Variants in ADAMTS17 observed in about 807,000 individuals in gnomAD.
The protein encoded by ADAMTS17 is A disintegrin and metalloproteinase with thrombospondin motifs 17.
In ADAMTS17, 113 loss-of-function variants were observed where a neutral mutation model predicts 141.5. That is an observed-to-expected ratio of 0.80 (90% CI 0.69 to 0.93). The LOEUF (loss-of-function observed/expected upper bound fraction) is 0.93. Among genes scored for constraint, ADAMTS17 ranks in the 40% least tolerant of loss-of-function variants. ADAMTS17 has a pLI of 0.00. For missense variants in ADAMTS17, 1,659 were observed against 1,517.9 expected (o/e 1.09, Z -1.54); for synonymous variants, 768 against 630.6 (o/e 1.22, Z -3.27).
At chr15:100,275,277 A>G (rs1393023212) in intron 4 of ADAMTS17, among the ~76,000 whole-genome samples, 1 of 152,242 alleles carries the variant, frequency 6.6e-6, no homozygotes, top group Non-Finnish European at 1.5e-5. Flanking sequence ...TCCTGGCCAC[A>G]CAGGCTGGAG....
At chr15:100,004,617 C>CTTTTTT (rs10591279) in intron 18 of ADAMTS17, among the ~76,000 whole-genome samples, 2 of 116,240 alleles carry the variant, frequency 1.7e-5, no homozygotes, top group Non-Finnish European at 3.5e-5. Flanking sequence ...TACTGTAATT[C>CTTTTTT]TTTTTTTTTT....
intron 3 of ADAMTS17, among the ~76,000 whole-genome samples, chr15:100,285,290 A>G (rs947048270): frequency 1.3e-5 from 2 of 152,260 alleles, no homozygotes; most frequent in African/African-American, 4.8e-5. Flanking sequence ...AATTTACTCT[A>G]GACGTTTGGG....
chr15:100,066,741 C>T, intron 15 of ADAMTS17, among the ~76,000 whole-genome samples: 1 of 152,028 alleles, frequency 6.6e-6, no homozygotes, highest in Non-Finnish European at 1.5e-5. Context: ...TCTAAGTGGC[C>T]CATCTGTCTC....
At position 99,971,647 on chromosome 15, in the gene ADAMTS17, A is replaced by AACGAAAAAAG. The variant is rs2060206387; in HGVS notation, c.*2745_*2754dup. The stretch of plus-strand genomic sequence containing the variant: ...GGAAAATAGATACATTTGACTCTGA[A>AACGAAAAAAG]ACGAAAAAAGGACAATCGTATTGCC... On this transcript the variant is annotated 3_prime_UTR_variant, in exon 22 of 22. Transcript: ENST00000268070. The AACGAAAAAAG allele has an allele frequency of 6.6e-6, 1 of 152,216 alleles. No individual in the cohort carries two copies. Among genetic ancestry groups the AACGAAAAAAG allele is most frequent in the African/African-American group, 2.4e-5 (1 of 41,460 alleles). 9.4% of individuals were successfully genotyped at this position (152,216 alleles called of 1,614,324 possible). A position where few individuals can be genotyped will look rare whatever the true frequency, so the allele number is the denominator to read the frequency against.
intron 18 of ADAMTS17, among the ~76,000 whole-genome samples, chr15:100,020,725 C>T (rs1218844079): frequency 1.3e-5 from 2 of 152,188 alleles, no homozygotes; most frequent in Non-Finnish European, 1.5e-5. Context: ...CCAGGGGCAA[C>T]AGACATCCAG....
At position 100,330,914 on chromosome 15, in the gene ADAMTS17, A is replaced by G. The variant is rs1296831294; in HGVS notation, c.591T>C (p.Pro197=). The G allele has an allele frequency of 1.9e-6, 3 of 1,614,030 alleles. No homozygotes were observed. The highest frequency in any genetic ancestry group is 2.5e-6 in the Non-Finnish European group (3 of 1,180,026). The change falls in exon 3 of 22, where the codon CCT becomes CCC. Residue 197 remains proline (P), a synonymous_variant. Transcript: ENST00000268070. ...TPSPSAEAQR[P]EQLCKVLTEK... The stretch of plus-strand genomic sequence containing the variant: ...CTGTTAGAACCTTGCAGAGCTGCTC[A>G]GGTCTCTGGGCCTCAGCAGAAGGGC...
chr15:100,241,131 C>CT (rs142437003), intron 7 of ADAMTS17, among the ~76,000 whole-genome samples: 6,829 of 152,178 alleles, frequency 0.045, 339 homozygotes, highest in African/African-American at 0.11. Flanking sequence ...GCCTATCTGG[C>CT]TTTTTTTGGT....
intron 3 of ADAMTS17, among the ~76,000 whole-genome samples, chr15:100,312,748 A>G (rs1422415509): frequency 6.6e-6 from 1 of 152,096 alleles, no homozygotes; most frequent in Non-Finnish European, 1.5e-5. Context: ...ACCAAGAGAG[A>G]TTTTCAAGAG....
intron 13 of ADAMTS17, among the ~76,000 whole-genome samples, chr15:100,110,423 C>G (rs1016630679): frequency 6.6e-6 from 1 of 151,534 alleles, no homozygotes; most frequent in Non-Finnish European, 1.5e-5. Flanking sequence ...CGCCACCATG[C>G]CTGGCTAATT....
intron 4 of ADAMTS17, among the ~76,000 whole-genome samples, chr15:100,268,298 G>C (rs557236152): frequency 6.6e-6 from 1 of 152,098 alleles, no homozygotes; most frequent in Admixed American, 6.5e-5. Context: ...TGATCTATAC[G>C]CCTTTGGGTG....
intron 6 of ADAMTS17, among the ~76,000 whole-genome samples, chr15:100,256,261 G>A (rs770454748): frequency 2.0e-5 from 3 of 152,134 alleles, no homozygotes; most frequent in Non-Finnish European, 4.4e-5. Flanking sequence ...TGCGTTCCTC[G>A]AGGCTGACTT....
intron 19 of ADAMTS17, among the ~76,000 whole-genome samples, chr15:99,995,177 G>A (rs1469594029): frequency 1.3e-5 from 2 of 152,216 alleles, no homozygotes; most frequent in Non-Finnish European, 2.9e-5. Context: ...GCTTCTCTGT[G>A]TGGCAAGGTT....
At chr15:100,058,726 G>A (rs1400088518) in intron 15 of ADAMTS17, among the ~76,000 whole-genome samples, 1 of 152,218 alleles carries the variant, frequency 6.6e-6, no homozygotes, top group East Asian at 1.9e-4. Context: ...CCTGGAGCCT[G>A]CCATCCTCTG....
At chr15:100,111,496 G>A (rs2141115254) in intron 13 of ADAMTS17, among the ~76,000 whole-genome samples, 1 of 152,360 alleles carries the variant, frequency 6.6e-6, no homozygotes, top group Middle Eastern at 3.4e-3. Context: ...ACCCTCTGGA[G>A]CCCTGAGGTT....
In ADAMTS17 at chr15:100,053,948, C is replaced by A. The variant is rs2032344654; in HGVS notation, c.2244G>T (p.Leu748=). 6.2e-7 allele frequency: 1 copy of A among 1,614,096 alleles called. No individual in the cohort carries two copies. Among genetic ancestry groups the A allele is most frequent in the South Asian group, 1.1e-5 (1 of 91,086 alleles). ...GTTVRYVRRG[L]WEKISAKGPT... ...GTCCCTTGGCAGAGATCTTCTCCCA[C>A]AGCCCCCTTCTCACATAGCGAACAG... is the stretch of plus-strand genomic sequence containing the variant. Residue 748 remains leucine, a synonymous_variant, in exon 16 of 22, where the codon CTG becomes CTT. Coordinates refer to ENST00000268070, the MANE Select transcript of ADAMTS17 (RefSeq NM_139057.4).
intron 15 of ADAMTS17, among the ~76,000 whole-genome samples, chr15:100,058,026 T>C (rs2032741647): frequency 6.6e-6 from 1 of 151,958 alleles, no homozygotes; most frequent in African/African-American, 2.4e-5. Context: ...TACAGCTTCC[T>C]ATAAATAGGC....
chr15:100,297,827 A>C (rs1235431405), intron 3 of ADAMTS17, among the ~76,000 whole-genome samples: 2 of 152,232 alleles, frequency 1.3e-5, no homozygotes, highest in Non-Finnish European at 2.9e-5. Context: ...AGAGACCTCA[A>C]AACCACATGG....
chr15:100,301,567 T>C (rs1298431996), intron 3 of ADAMTS17, among the ~76,000 whole-genome samples: 1 of 151,102 alleles, frequency 6.6e-6, no homozygotes, highest in Non-Finnish European at 1.5e-5. Context: ...GATCTCCTGA[T>C]GTTGTGATCC....
In ADAMTS17 at chr15:100,300,174, TC is replaced by T. The variant is rs1371349364; in HGVS notation, c.617-18774del. Reference sequence around the variant, plus strand: ...GCCCAGGGCTGTTTACAGTCAGGTGTCCTTCACTCCTCCAGAGGCCTCTGGA... The same window carrying T: ...GCCCAGGGCTGTTTACAGTCAGGTGTCTTCACTCCTCCAGAGGCCTCTGGA... On this transcript the variant is annotated intron_variant, in intron 3 of 21. Coordinates refer to ENST00000268070, the MANE Select transcript of ADAMTS17 (RefSeq NM_139057.4). Among the ~76,000 whole-genome samples the T allele has an allele frequency of 2.0e-5, 3 of 152,034 alleles. No individual in the cohort carries two copies. The East Asian group carries it at 5.8e-4, about 29-fold the overall frequency.
Sources: allele counts gnomAD v4.1 joint callset (sites outside exome capture counted in the v4.1 genomes callset), GRCh38; gene constraint gnomAD v4.1.1; transcripts MANE v1.5; gene names NCBI Gene and HGNC (gene_info 2026-07-23, HGNC 2026-07-21).